The following PRPF18 variants were observed in gnomAD, a reference collection of about 807,000 sequenced individuals.
PRPF18 encodes pre-mRNA processing factor 18.
A neutral mutation model predicts 46.5 loss-of-function variants in PRPF18; 38 were observed. The observed-to-expected ratio is 0.82, with a 90% CI of 0.63 to 1.07. The LOEUF (loss-of-function observed/expected upper bound fraction) is 1.07. PRPF18 is among the 50% of genes least tolerant of loss of function. PRPF18 has a pLI of 0.00. For synonymous variants in PRPF18, 152 were observed against 146.7 expected, an observed-to-expected ratio of 1.04 and a Z score of -0.26; for missense variants, 263 against 410.0, an observed-to-expected ratio of 0.64 and a Z score of 3.10.
chr10:13,622,226 TAA>T (rs2080430679), intron 9 of PRPF18, among the ~76,000 whole-genome samples: 1 of 152,220 alleles, frequency 6.6e-6, no homozygotes, highest in Non-Finnish European at 1.5e-5. Flanking sequence ...CCTGGCATAT[TAA>T]AAGAGTACAT....
chr10:13,645,345 GAAA>G, the PRPF18 span: 4 of 104,678 alleles, frequency 3.8e-5, no homozygotes, highest in African/African-American at 1.6e-4. Flanking sequence ...ATTAGAGTGA[GAAA>G]AAAATTCCAC....
chr10:13,635,720 C>G (rs777897765), downstream of PRPF18, among the ~76,000 whole-genome samples: 3 of 152,076 alleles, frequency 2.0e-5, no homozygotes, highest in Non-Finnish European at 4.4e-5. Flanking sequence ...TGTTCGTGTC[C>G]TTTGCCCACT....
the PRPF18 span, chr10:13,640,668 T>G: frequency 6.6e-6 from 1 of 152,446 alleles, no homozygotes; most frequent in Non-Finnish European, 1.5e-5. Context: ...TCAGCTTCCC[T>G]TTTCTTTTTA....
chr10:13,603,188 G>T (rs2080138223), intron 3 of PRPF18, among the ~76,000 whole-genome samples: 1 of 152,120 alleles, frequency 6.6e-6, no homozygotes, highest in Non-Finnish European at 1.5e-5. Context: ...TGGGGAAGAA[G>T]TTCCTGCCTT....
the PRPF18 span, among the ~76,000 whole-genome samples, chr10:13,636,675 AACAAAGTAACTAGCGCCCC>A: frequency 2.6e-5 from 4 of 152,342 alleles, no homozygotes; most frequent in East Asian, 7.7e-4. Flanking sequence ...TCACACAGTA[AACAAAGTAACTAGCGCCCC>A]AATCAGAAAA....
At chr10:13,598,053 G>A (rs552688131) in intron 2 of PRPF18, among the ~76,000 whole-genome samples, 3 of 152,176 alleles carry the variant, frequency 2.0e-5, no homozygotes, top group South Asian at 4.2e-4. Context: ...GTATAAAGCC[G>A]TATATATTTA....
rs567980039 is a variant in PRPF18 at position 13,617,008 on chromosome 10, G to A, written c.948+455G>A. Among the ~76,000 whole-genome samples the A allele has an allele frequency of 7.9e-5, 12 of 152,288 alleles. No homozygotes were observed. The South Asian group carries it at 2.1e-3, about 26-fold the overall frequency. On this transcript the variant is annotated intron_variant, in intron 9 of 9. Coordinates refer to ENST00000378572, the MANE Select transcript of PRPF18 (RefSeq NM_003675.4). Reference sequence around the variant, plus strand: ...GACTTGGCTTTAATGTACGTAGCACGTAACAACACTTCTTTAGTCATGTGA... The same window carrying A: ...GACTTGGCTTTAATGTACGTAGCACATAACAACACTTCTTTAGTCATGTGA...
chr10:13,621,538 G>C (rs574261381), intron 9 of PRPF18, among the ~76,000 whole-genome samples: 1 of 152,234 alleles, frequency 6.6e-6, no homozygotes, highest in Non-Finnish European at 1.5e-5. Context: ...CAGCTTCCCA[G>C]GATTGCCAGC....
chr10:13,650,958 C>CACTT, the PRPF18 span: 2 of 152,174 alleles, frequency 1.3e-5, no homozygotes, highest in Non-Finnish European at 2.9e-5. Context: ...AGTCTTAGAG[C>CACTT]ACTTAATACA....
At chr10:13,595,619 A>G (rs2080023820) in intron 1 of PRPF18, among the ~76,000 whole-genome samples, 1 of 152,170 alleles carries the variant, frequency 6.6e-6, no homozygotes, top group Middle Eastern at 3.2e-3. Flanking sequence ...AATGTCACCT[A>G]ACCTAATTCT....
In PRPF18 at chr10:13,598,063, A is replaced by G. The variant is rs145460752; in HGVS notation, c.144+528A>G. Among the ~76,000 whole-genome samples the G allele has an allele frequency of 1.9e-3, 288 of 152,296 alleles. 1 individual carries two copies. Among genetic ancestry groups the G allele is most frequent in the African/African-American group, 6.6e-3 (273 of 41,568 alleles). The stretch of plus-strand genomic sequence containing the variant: ...CTAAAGTATAAAGCCGTATATATTT[A>G]TATGCCTTTGTTGTAATAAGGTATC... On this transcript the variant is annotated intron_variant, in intron 2 of 9. Coordinates refer to ENST00000378572, the MANE Select transcript of PRPF18 (RefSeq NM_003675.4).
At chr10:13,637,590 G>A in the PRPF18 span, among the ~76,000 whole-genome samples, 1 of 152,034 alleles carries the variant, frequency 6.6e-6, no homozygotes, top group Non-Finnish European at 1.5e-5. Context: ...TATCTGTATT[G>A]CAAATAAGCC....
chr10:13,589,788 T>C (rs1027578903), intron 1 of PRPF18, among the ~76,000 whole-genome samples: 5 of 152,174 alleles, frequency 3.3e-5, no homozygotes, highest in Admixed American at 2.6e-4. Flanking sequence ...GCTTGGTAAA[T>C]GGCAAATTTC....
downstream of PRPF18, among the ~76,000 whole-genome samples, chr10:13,635,033 T>C (rs529327225): frequency 5.3e-5 from 8 of 152,304 alleles, no homozygotes; most frequent in African/African-American, 1.9e-4. Context: ...TTCTTCCTGA[T>C]CCTCTCCCTC....
chr10:13,643,067 C>T, the PRPF18 span: 1 of 152,210 alleles, frequency 6.6e-6, no homozygotes, highest in Admixed American at 6.5e-5. Context: ...AGTCAGTCAC[C>T]ATTTCATCTG....
chr10:13,650,682 C>T, the PRPF18 span, among the ~76,000 whole-genome samples: 13 of 152,166 alleles, frequency 8.5e-5, no homozygotes, highest in Non-Finnish European at 1.9e-4. Flanking sequence ...GTCCTAATTG[C>T]CCATCTGTCA....
At chr10:13,606,475 G>A (rs1233493778) in intron 4 of PRPF18, among the ~76,000 whole-genome samples, 2 of 152,200 alleles carry the variant, frequency 1.3e-5, no homozygotes, top group African/African-American at 4.8e-5. Context: ...GGTGGCACAA[G>A]CCTGTAATCC....
chr10:13,587,618 A>G (rs1176223406), intron 1 of PRPF18, among the ~76,000 whole-genome samples: 2 of 152,330 alleles, frequency 1.3e-5, no homozygotes, highest in East Asian at 1.9e-4. Context: ...CTTCATCTGC[A>G]TAGGGCGCCA....
chr10:13,621,791 T>C (rs902556165), intron 9 of PRPF18, among the ~76,000 whole-genome samples: 2 of 152,218 alleles, frequency 1.3e-5, no homozygotes, highest in African/African-American at 2.4e-5. Context: ...CCTATAATAT[T>C]ATTCTCTGGC....
Sources: gnomAD v4.1 joint callset for allele counts (sites outside exome capture counted in the v4.1 genomes callset) on GRCh38, gnomAD v4.1.1 for gene constraint, MANE v1.5 for transcripts, NCBI Gene and HGNC (gene_info 2026-07-23, HGNC 2026-07-21) for gene names.